Variants in FOXP2 observed in about 807,000 individuals in gnomAD.
FOXP2 encodes forkhead box P2, also known as forkhead box protein P2.
FOXP2 carries 12 observed loss-of-function variants against 115.8 expected under a neutral mutation model. The ratio of observed to expected loss-of-function variants is 0.10; its 90% CI spans 0.07 to 0.17. The LOEUF is 0.17. Among genes scored for constraint, FOXP2 ranks in the 10% least tolerant of loss-of-function variants. The pLI, the probability that FOXP2 is intolerant of heterozygous loss-of-function variation, is 1.00. For synonymous variants in FOXP2, 328 were observed against 297.7 expected (o/e 1.10, Z -1.05); for missense variants, 629 against 843.5 (o/e 0.75, Z 3.15).
intron 3 of FOXP2, among the ~76,000 whole-genome samples, chr7:114,565,237 C>T (rs1165702025): frequency 6.6e-6 from 1 of 151,568 alleles, no homozygotes; most frequent in African/African-American, 2.4e-5. Flanking sequence ...ATTTACAAGA[C>T]TTTTTTTATT....
At chr7:114,107,029 C>T (rs1452212369) in intron 1 of FOXP2, among the ~76,000 whole-genome samples, 5 of 151,844 alleles carry the variant, frequency 3.3e-5, no homozygotes, top group South Asian at 2.1e-4. Context: ...TATTAGTATT[C>T]GTCTTGTATT....
chr7:114,589,233 G>T (rs1174676805), intron 3 of FOXP2, among the ~76,000 whole-genome samples: 1 of 151,606 alleles, frequency 6.6e-6, no homozygotes, highest in Non-Finnish European at 1.5e-5. Context: ...TATTTTTTAG[G>T]CTATTGGCTT....
chr7:114,566,366 G>A (rs1801021281), intron 3 of FOXP2, among the ~76,000 whole-genome samples: 1 of 152,026 alleles, frequency 6.6e-6, no homozygotes, highest in South Asian at 2.1e-4. Context: ...GGGCCTCACG[G>A]GAGGTGTTTG....
intron 1 of FOXP2, among the ~76,000 whole-genome samples, chr7:114,272,188 T>C (rs1046867693): frequency 1.3e-5 from 2 of 150,598 alleles, no homozygotes; most frequent in Non-Finnish European, 3.0e-5. Flanking sequence ...TGGGTTATAT[T>C]AATTGATTTT....
At chr7:114,339,806 CAG>C (rs1491575474) in intron 2 of FOXP2, among the ~76,000 whole-genome samples, 1 of 151,084 alleles carries the variant, frequency 6.6e-6, no homozygotes, top group Non-Finnish European at 1.5e-5. Flanking sequence ...CTTTTAAAGT[CAG>C]AGTAAGATAC....
At chr7:114,137,560 A>G (rs1006248325) in intron 1 of FOXP2, among the ~76,000 whole-genome samples, 5 of 152,134 alleles carry the variant, frequency 3.3e-5, no homozygotes, top group Non-Finnish European at 5.9e-5. Context: ...TTTGAGTTCA[A>G]TTTAATTCTA....
At chr7:114,424,138 G>A (rs745550313) in intron 1 of FOXP2, among the ~76,000 whole-genome samples, 7 of 151,304 alleles carry the variant, frequency 4.6e-5, no homozygotes, top group African/African-American at 9.7e-5. Context: ...GTCTTTCTTC[G>A]TAATTGTAAT....
intron 3 of FOXP2, among the ~76,000 whole-genome samples, chr7:114,576,332 C>T (rs923197685): frequency 5.9e-5 from 9 of 151,834 alleles, no homozygotes; most frequent in Admixed American, 3.9e-4. Flanking sequence ...TGTAAGCTCC[C>T]TGATCTCAGT....
At chr7:114,371,070 T>A (rs1791992579) in intron 2 of FOXP2, among the ~76,000 whole-genome samples, 1 of 152,154 alleles carries the variant, frequency 6.6e-6, no homozygotes, top group Admixed American at 6.5e-5. Flanking sequence ...GCATATTCCT[T>A]ATCTCAAATA....
chr7:114,318,976 G>T (rs1020880006), intron 2 of FOXP2, among the ~76,000 whole-genome samples: 1 of 152,080 alleles, frequency 6.6e-6, no homozygotes, highest in Non-Finnish European at 1.5e-5. Context: ...TTAAAATGTG[G>T]ATAGAATAAA....
At chr7:114,512,520 A>C (rs1034981830) in intron 2 of FOXP2, among the ~76,000 whole-genome samples, 6 of 152,266 alleles carry the variant, frequency 3.9e-5, no homozygotes, top group African/African-American at 1.4e-4. Flanking sequence ...TTCTCATGGA[A>C]GCACATGGAG....
intron 2 of FOXP2, among the ~76,000 whole-genome samples, chr7:114,380,931 T>C (rs1311483270): frequency 6.6e-6 from 1 of 152,218 alleles, no homozygotes; most frequent in Non-Finnish European, 1.5e-5. Flanking sequence ...TATTCCTGTT[T>C]TTTCTGTGAC....
intron 3 of FOXP2, among the ~76,000 whole-genome samples, chr7:114,600,656 T>A (rs1355483561): frequency 6.6e-6 from 1 of 152,208 alleles, no homozygotes; most frequent in Non-Finnish European, 1.5e-5. Flanking sequence ...TCCACCTCCT[T>A]GTCAGCATTT....
At chr7:114,318,726 T>C (rs181366793) in intron 2 of FOXP2, among the ~76,000 whole-genome samples, 2,317 of 151,178 alleles carry the variant, frequency 0.015, 27 homozygotes, top group African/African-American at 0.027. Context: ...TATATATATA[T>C]ACACACACAC....
chr7:114,411,719 C>G (rs1793167272), upstream of FOXP2, among the ~76,000 whole-genome samples: 1 of 152,062 alleles, frequency 6.6e-6, no homozygotes, highest in African/African-American at 2.4e-5. Context: ...AATCAGTGTC[C>G]TAGCTCATTC....
At chr7:114,577,726 C>T (rs1023004222) in intron 3 of FOXP2, among the ~76,000 whole-genome samples, 3 of 151,862 alleles carry the variant, frequency 2.0e-5, no homozygotes, top group South Asian at 2.1e-4. Flanking sequence ...CTAGTTATAA[C>T]GTTATACTTC....
intron 1 of FOXP2, among the ~76,000 whole-genome samples, chr7:114,236,390 A>G (rs1279008977): frequency 6.6e-6 from 1 of 152,232 alleles, no homozygotes; most frequent in Admixed American, 6.5e-5. Flanking sequence ...TTAATTCTAA[A>G]CATATAAAGC....
intron 1 of FOXP2, among the ~76,000 whole-genome samples, chr7:114,172,560 G>A (rs536530837): frequency 7.9e-5 from 12 of 152,190 alleles, no homozygotes; most frequent in African/African-American, 2.6e-4. Flanking sequence ...CACATGTACC[G>A]CACTAATGTA....
intron 3 of FOXP2, among the ~76,000 whole-genome samples, chr7:114,569,654 A>C (rs1036047029): frequency 6.6e-6 from 1 of 151,856 alleles, no homozygotes; most frequent in East Asian, 1.9e-4. Context: ...ATTTCCCCCC[A>C]GTCTTCATCT....
Sources: allele counts gnomAD v4.1 joint callset (sites outside exome capture counted in the v4.1 genomes callset), GRCh38; gene constraint gnomAD v4.1.1; transcripts MANE v1.5; gene names NCBI Gene and HGNC (gene_info 2026-07-23, HGNC 2026-07-21).